Variants in ANO3 observed in about 807,000 individuals in gnomAD.
The protein encoded by ANO3 is anoctamin 3.
Under a neutral mutation model 144.8 loss-of-function variants are expected in ANO3, and 99 were observed. The ratio of observed to expected loss-of-function variants is 0.68; its 90% CI spans 0.58 to 0.81. The LOEUF is 0.81. Among genes scored for constraint, ANO3 ranks in the 30% least tolerant of loss-of-function variants. ANO3 has a pLI of 0.00. For synonymous variants in ANO3, 414 were observed against 392.6 expected (o/e 1.05, Z -0.64); for missense variants, 905 against 1,202.2 (o/e 0.75, Z 3.66).
chr11:26,374,841 T>C (rs781246681), intron 1 of ANO3, among the ~76,000 whole-genome samples: 3 of 152,226 alleles, frequency 2.0e-5, no homozygotes, highest in Non-Finnish European at 4.4e-5. Flanking sequence ...CCTTCCAGGC[T>C]AGAGCAATTC....
At position 26,257,445 on chromosome 11, in the gene ANO3, G is replaced by C. The variant is rs139972491; in HGVS notation, c.155-52200G>C. The stretch of plus-strand genomic sequence containing the variant: ...GTTGTCTCCCAACAGTTAAATCCTG[G>C]CCCTGCACACTCAATGGTTCAGTTC... On this transcript the variant is annotated intron_variant, in intron 1 of 27. Coordinates refer to the ANO3 transcript ENST00000672621. 2.7e-3 allele frequency among the ~76,000 whole-genome samples: 406 copies of C among 152,048 alleles called. 3 individuals carry two copies. Among genetic ancestry groups the C allele is most frequent in the African/African-American group, 9.3e-3 (387 of 41,506 alleles).
chr11:26,431,823 GATTC>G (rs574180165), intron 1 of ANO3, among the ~76,000 whole-genome samples: 8 of 152,146 alleles, frequency 5.3e-5, no homozygotes, highest in African/African-American at 7.2e-5. Context: ...CATTTAATTT[GATTC>G]ATTGTCTTTG....
At chr11:26,247,231 T>C (rs1852817134) in intron 1 of ANO3, among the ~76,000 whole-genome samples, 1 of 151,962 alleles carries the variant, frequency 6.6e-6, no homozygotes, top group South Asian at 2.1e-4. Context: ...TGTAGATTTC[T>C]GACTCAAAGT....
At chr11:26,567,908 G>C (rs1193177088) in intron 14 of ANO3, among the ~76,000 whole-genome samples, 1 of 151,924 alleles carries the variant, frequency 6.6e-6, no homozygotes. Context: ...TGTATTGTGT[G>C]ATTTCATGTA....
intron 1 of ANO3, among the ~76,000 whole-genome samples, chr11:26,422,747 A>G (rs1443246280): frequency 6.6e-6 from 1 of 152,020 alleles, no homozygotes; most frequent in East Asian, 1.9e-4. Context: ...CAGAGAAGGA[A>G]AAAAACTGAA....
chr11:26,560,293 C>CT (rs377613243), intron 14 of ANO3: 2,416 of 147,484 alleles, frequency 0.016, 23 homozygotes, highest in Non-Finnish European at 0.019. Context: ...CTTTGGTTAA[C>CT]TTTTTTTTTT....
intron 14 of ANO3, chr11:26,565,668 G>T (rs139033427): frequency 6.2e-7 from 1 of 1,606,730 alleles, no homozygotes; most frequent in Admixed American, 1.7e-5. Flanking sequence ...GAGATTTGAG[G>T]TGGTTATATT....
At chr11:26,215,963 G>C (rs1392787127) in intron 1 of ANO3, among the ~76,000 whole-genome samples, 1 of 151,780 alleles carries the variant, frequency 6.6e-6, no homozygotes, top group Non-Finnish European at 1.5e-5. Context: ...TCATCAACCA[G>C]GGTACGATTA....
At chr11:26,603,940 C>A (rs1486373397) in intron 17 of ANO3, among the ~76,000 whole-genome samples, 1 of 152,054 alleles carries the variant, frequency 6.6e-6, no homozygotes, top group African/African-American at 2.4e-5. Context: ...TGGCATTTAT[C>A]ATTTCTTTGT....
chr11:26,361,604 G>A (rs935126765), intron 1 of ANO3, among the ~76,000 whole-genome samples: 5 of 152,122 alleles, frequency 3.3e-5, no homozygotes, highest in East Asian at 1.9e-4. Flanking sequence ...TAGGCTTCTT[G>A]TGTCAGCTGC....
At chr11:26,592,235 G>A (rs1851474242) in intron 14 of ANO3, among the ~76,000 whole-genome samples, 1 of 152,130 alleles carries the variant, frequency 6.6e-6, no homozygotes, top group Admixed American at 6.5e-5. Flanking sequence ...AGGCCACAGA[G>A]CAGGCCATGC....
intron 1 of ANO3, among the ~76,000 whole-genome samples, chr11:26,292,899 G>T (rs1192073764): frequency 6.6e-6 from 1 of 152,130 alleles, no homozygotes; most frequent in East Asian, 1.9e-4. Context: ...CCACGAGGAG[G>T]CAGTCTGTCC....
At chr11:26,287,372 T>A (rs1004151746) in intron 1 of ANO3, 10 of 152,202 alleles carry the variant, frequency 6.6e-5, no homozygotes, top group Admixed American at 2.0e-4. Flanking sequence ...TGTTTATTGA[T>A]TCATTTACTA....
At chr11:26,433,006 AATG>A (rs1366544257) in intron 1 of ANO3, among the ~76,000 whole-genome samples, 3 of 152,126 alleles carry the variant, frequency 2.0e-5, no homozygotes, top group Admixed American at 1.3e-4. Flanking sequence ...TGGCCATTTC[AATG>A]ATAATGATTC....
At position 26,662,910 on chromosome 11, in the gene ANO3, T is replaced by A. The variant is rs1853920100; in HGVS notation, c.*2466T>A. The stretch of plus-strand genomic sequence containing the variant: ...GGTTTTTATATGAATACAAATTATT[T>A]CTCAAAGATTTATAGCACACACTAT... On this transcript the variant is annotated 3_prime_UTR_variant, in exon 27 of 27. Transcript: ENST00000256737. The A allele has an allele frequency of 6.6e-6, 1 of 152,500 alleles. No homozygotes were observed. The highest frequency in any genetic ancestry group is 1.5e-5 in the Non-Finnish European group (1 of 67,974). The allele number at this position is 152,500 out of a possible 1,614,324, so 9.4% of individuals were successfully genotyped here.
At chr11:26,564,728 CACACATATATAT>C (rs1452909902) in intron 14 of ANO3, among the ~76,000 whole-genome samples, 286 of 35,822 alleles carry the variant, frequency 8.0e-3, no homozygotes, top group Non-Finnish European at 0.01. Context: ...CACACACACA[CACACATATATAT>C]ATATATATAT....
intron 14 of ANO3, among the ~76,000 whole-genome samples, chr11:26,590,445 C>T (rs1851411088): frequency 6.6e-6 from 1 of 152,212 alleles, no homozygotes; most frequent in African/African-American, 2.4e-5. Context: ...ACCAGCAGGT[C>T]TTTGTTCTTA....
chr11:26,350,380 C>T (rs1433576127), intron 1 of ANO3, among the ~76,000 whole-genome samples: 1 of 152,066 alleles, frequency 6.6e-6, no homozygotes, highest in African/African-American at 2.4e-5. Context: ...TATATTTGTG[C>T]AATTATATTT....
chr11:26,495,074 C>CATTCATTT (rs534938937), intron 4 of ANO3, among the ~76,000 whole-genome samples: 17 of 143,456 alleles, frequency 1.2e-4, no homozygotes, highest in African/African-American at 3.9e-4. Context: ...TAAATATCTA[C>CATTCATTT]ATTTATTTAT....
Sources: allele counts gnomAD v4.1 joint callset (sites outside exome capture counted in the v4.1 genomes callset), GRCh38; gene constraint gnomAD v4.1.1; transcripts MANE v1.5; gene names NCBI Gene and HGNC (gene_info 2026-07-23, HGNC 2026-07-21).